RAB11FIP4: variants seen among roughly 807,000 people sequenced by gnomAD.
The protein encoded by RAB11FIP4 is RAB11 family interacting protein 4.
A neutral mutation model predicts 74.3 loss-of-function variants in RAB11FIP4; 23 were observed. The observed-to-expected ratio is 0.31, with a 90% CI of 0.22 to 0.44. The LOEUF (loss-of-function observed/expected upper bound fraction) is 0.44, where lower values mean the gene tolerates loss of function less well. RAB11FIP4 is among the 20% of genes least tolerant of loss of function. The pLI is 1.00. For synonymous variants in RAB11FIP4, 360 were observed against 359.9 expected, an observed-to-expected ratio of 1.00 and a Z score of 0.00; for missense variants, 630 against 863.9, an observed-to-expected ratio of 0.73 and a Z score of 3.39.
chr17:31,458,048 C>A (rs952245669), intron 3 of RAB11FIP4, among the ~76,000 whole-genome samples: 2 of 152,224 alleles, frequency 1.3e-5, no homozygotes, highest in African/African-American at 4.8e-5. Flanking sequence ...GCAGACCAAC[C>A]CTGCCAAGTA....
chr17:31,517,197 G>GC (rs2072571309), intron 3 of RAB11FIP4, among the ~76,000 whole-genome samples: 1 of 131,080 alleles, frequency 7.6e-6, no homozygotes, highest in African/African-American at 2.8e-5. Flanking sequence ...GGTGCGGGGG[G>GC]GGGGGCGGTG....
chr17:31,487,628 C>G (rs966648204), intron 3 of RAB11FIP4, among the ~76,000 whole-genome samples: 9 of 152,112 alleles, frequency 5.9e-5, no homozygotes. Flanking sequence ...GTGGAGGCGG[C>G]GGCGGACCGT....
chr17:31,451,865 C>A (rs1455777866), intron 3 of RAB11FIP4, among the ~76,000 whole-genome samples: 1 of 148,268 alleles, frequency 6.7e-6, no homozygotes, highest in African/African-American at 2.5e-5. Context: ...CTGCTTATTT[C>A]CTTGAGTATG....
chr17:31,485,787 TC>T (rs1241687785), intron 3 of RAB11FIP4, among the ~76,000 whole-genome samples: 1 of 152,136 alleles, frequency 6.6e-6, no homozygotes, highest in Non-Finnish European at 1.5e-5. Flanking sequence ...GAGGTACCAT[TC>T]CCATCTTACA....
chr17:31,462,287 A>AC (rs1210314393), intron 3 of RAB11FIP4, among the ~76,000 whole-genome samples: 1 of 151,956 alleles, frequency 6.6e-6, no homozygotes, highest in African/African-American at 2.4e-5. Flanking sequence ...AAAACAAAAA[A>AC]AAAAACAGGG....
intron 11 of RAB11FIP4, 62 bp from the exon 12 acceptor site, chr17:31,528,344 C>A: frequency 6.4e-7 from 1 of 1,573,712 alleles, no homozygotes; most frequent in South Asian, 1.2e-5. Flanking sequence ...CAGGGACACC[C>A]CTGGACATAG....
chr17:31,527,574 A>G (rs2072788291), intron 10 of RAB11FIP4: 1 of 371,382 alleles, frequency 2.7e-6, no homozygotes. Flanking sequence ...AGCCTGGGCA[A>G]CAGAGCAGGA....
rs748677479 is a variant in RAB11FIP4, at chr17:31,517,693, A to G, written c.379A>G (p.Ile127Val). 2.4e-5 allele frequency: 38 copies of G among 1,607,520 alleles called. No homozygotes were observed. The highest frequency in any genetic ancestry group is 1.7e-4 in the Middle Eastern group (1 of 6,054). ...CCCCACCTTTGCTGATGGCGAGCTC[A>G]TCCCCAGGGAACCCGGCTTTTTTCC... The part of the protein sequence containing the change: ...TGPTFADGEL[I>V]PREPGFFPED... Residue 127 changes from isoleucine (I) to valine (V), a missense_variant, in exon 4 of 15, where the codon ATC becomes GTC. Physicochemically the swap from Ile to Val is conservative, Grantham distance 29. Coordinates refer to ENST00000621161, the MANE Select transcript of RAB11FIP4 (RefSeq NM_032932.6).
At chr17:31,501,432 T>C (rs1208376956) in intron 3 of RAB11FIP4, among the ~76,000 whole-genome samples, 2 of 152,218 alleles carry the variant, frequency 1.3e-5, no homozygotes, top group Non-Finnish European at 2.9e-5. Flanking sequence ...TAGCCTACAG[T>C]TGGGCAAAAT....
intron 4 of RAB11FIP4, 33 bp downstream of exon 4, chr17:31,517,910 C>A: frequency 1.3e-6 from 2 of 1,498,254 alleles, no homozygotes; most frequent in Non-Finnish European, 1.8e-6. Context: ...TCCATATTTG[C>A]CCTCTCAGCC....
rs1206303349 is a variant in RAB11FIP4 at position 31,500,397 on chromosome 17, T to G, written c.337-17254T>G. 2.6e-5 allele frequency among the ~76,000 whole-genome samples: 4 copies of G among 151,982 alleles called. No individual in the cohort carries two copies. In the South Asian group the frequency reaches 8.3e-4, roughly 32 times the overall value. Reference sequence around the variant, plus strand: ...ACTGACCACAACAGAGGGAGGAAAATGCTCCAGATGTCAGGTAGCCAGAAA... The same window carrying G: ...ACTGACCACAACAGAGGGAGGAAAAGGCTCCAGATGTCAGGTAGCCAGAAA... On this transcript the variant is annotated intron_variant, in intron 3 of 14. Transcript: ENST00000621161.
chr17:31,403,970 C>T (rs1352599884), intron 1 of RAB11FIP4, among the ~76,000 whole-genome samples: 3 of 152,166 alleles, frequency 2.0e-5, no homozygotes, highest in Non-Finnish European at 4.4e-5. Flanking sequence ...CAGGGGCCCT[C>T]TCATGGGCAC....
At chr17:31,474,497 C>T (rs1316492132) in intron 3 of RAB11FIP4, among the ~76,000 whole-genome samples, 2 of 151,954 alleles carry the variant, frequency 1.3e-5, no homozygotes, top group East Asian at 3.9e-4. Context: ...TATGATGAAA[C>T]CCATCTCTAC....
Position 31,506,533 on chromosome 17 carries a change from C to T in RAB11FIP4, c.337-11118C>T, listed in dbSNP as rs538141805. ...TCGTGCCTGTTGACCAACCTTTCCC[C>T]GTCCTCCCTTCTCCTACCCTCTCCA... On this transcript the variant is annotated intron_variant, in intron 3 of 14. Transcript: ENST00000621161. Among the ~76,000 whole-genome samples, 10 of 152,314 alleles carry T rather than the reference C, an allele frequency of 6.6e-5. No homozygotes were observed. The South Asian group carries it at 8.3e-4, about 13-fold the overall frequency.
At position 31,521,208 on chromosome 17, in the gene RAB11FIP4, T is replaced by A; in HGVS notation, c.606T>A (p.Ser202=). Residue 202 remains serine (S), a synonymous_variant, in exon 5 of 15, where the codon TCT becomes TCA. Transcript: ENST00000621161. ...CATCCATGACGACCTCAGACCTTTCTACACACTCCACCACCTCGCTCATCA... is the reference window on the plus strand; with the variant it reads ...CATCCATGACGACCTCAGACCTTTCAACACACTCCACCACCTCGCTCATCA... ...HTPSMTTSDL[S]THSTTSLISN... 6.2e-7 allele frequency: 1 copy of A among 1,613,118 alleles called. No homozygotes were observed. Among genetic ancestry groups the A allele is most frequent in the Non-Finnish European group, 8.5e-7 (1 of 1,179,408 alleles).
intron 3 of RAB11FIP4, among the ~76,000 whole-genome samples, chr17:31,435,186 C>T (rs1462239649): frequency 6.6e-6 from 1 of 152,150 alleles, no homozygotes; most frequent in Non-Finnish European, 1.5e-5. Flanking sequence ...CCAGACTCAT[C>T]TCCAAAAATT....
At chr17:31,399,590 G>A (rs2070964956) in intron 1 of RAB11FIP4, among the ~76,000 whole-genome samples, 1 of 151,886 alleles carries the variant, frequency 6.6e-6, no homozygotes, top group Non-Finnish European at 1.5e-5. Context: ...GCATGCGCCT[G>A]TAGTCCCAGC....
chr17:31,474,931 G>A (rs2142732110), intron 3 of RAB11FIP4, among the ~76,000 whole-genome samples: 1 of 152,124 alleles, frequency 6.6e-6, no homozygotes, highest in African/African-American at 2.4e-5. Context: ...GGATTGTTAA[G>A]GTAAGATGAG....
chr17:31,450,897 C>T (rs1373228077), intron 3 of RAB11FIP4, among the ~76,000 whole-genome samples: 1 of 152,136 alleles, frequency 6.6e-6, no homozygotes, highest in Non-Finnish European at 1.5e-5. Context: ...CCAGGCTCCC[C>T]ATCTCAGTAA....
Sources: gnomAD v4.1 joint callset for allele counts (sites outside exome capture counted in the v4.1 genomes callset) on GRCh38, gnomAD v4.1.1 for gene constraint, MANE v1.5 for transcripts, NCBI Gene and HGNC (gene_info 2026-07-23, HGNC 2026-07-21) for gene names.